Variants in OR2L3 observed in about 807,000 individuals in gnomAD.
OR2L3 encodes the protein olfactory receptor 2L3.
For synonymous variants in OR2L3, 131 were observed against 139.1 expected (o/e 0.94, Z 0.41); for missense variants, 369 against 376.6 (o/e 0.98, Z 0.17).
At chr1:248,050,931 T>C (rs1442459779) in intron 1 of OR2L3, among the ~76,000 whole-genome samples, 1 of 152,182 alleles carries the variant, frequency 6.6e-6, no homozygotes, top group Non-Finnish European at 1.5e-5. Context: ...CCTGCCAAGA[T>C]GTTTAAAAAA....
At chr1:248,046,966 AAATAG>A (rs2103105684) in intron 1 of OR2L3, 86 bp downstream of exon 1, 1 of 152,316 alleles carries the variant, frequency 6.6e-6, no homozygotes, top group South Asian at 2.1e-4. Context: ...CTTTTTTCAG[AAATAG>A]AATTGAGGTG....
At chr1:248,054,993 G>A (rs1379080325) in intron 1 of OR2L3, among the ~76,000 whole-genome samples, 1 of 152,156 alleles carries the variant, frequency 6.6e-6, no homozygotes, top group Non-Finnish European at 1.5e-5. Flanking sequence ...AGAGTCATGA[G>A]AGATTGCATC....
chr1:248,050,755 T>C (rs2103111083), intron 1 of OR2L3, among the ~76,000 whole-genome samples: 1 of 152,302 alleles, frequency 6.6e-6, no homozygotes, highest in Non-Finnish European at 1.5e-5. Context: ...TACTTACCAA[T>C]AATTATACTA....
intron 1 of OR2L3, among the ~76,000 whole-genome samples, chr1:248,048,919 CTCTCT>C (rs1663168588): frequency 7.2e-6 from 1 of 138,194 alleles, no homozygotes; most frequent in African/African-American, 3.2e-5. Flanking sequence ...CCTTTTCTCT[CTCTCT>C]TTTTTTTTTT....
rs1412524446 is a variant in OR2L3, at chr1:248,062,262, A to G, written c.*642A>G. ...AACATTAGGTATATTTTAGATCAAC[A>G]AAAGGACTGGAACATGCCAGCAGTA... On this transcript the variant is annotated 3_prime_UTR_variant, in exon 2 of 2. Transcript: ENST00000359959. The G allele has an allele frequency of 2.0e-5, 3 of 152,258 alleles. No individual in the cohort carries two copies. Among genetic ancestry groups the G allele is most frequent in the Non-Finnish European group, 4.4e-5 (3 of 68,076 alleles). 9.4% of individuals were successfully genotyped at this position (152,258 alleles called of 1,614,324 possible).
rs1319206708 is a variant in OR2L3, at chr1:248,061,382, A to G, written c.701A>G (p.Lys234Arg). 1.9e-6 allele frequency: 3 copies of G among 1,614,108 alleles called. No homozygotes were observed. Among genetic ancestry groups the G allele is most frequent in the South Asian group, 1.1e-5 (1 of 91,078 alleles). Reference sequence around the variant, plus strand: ...CACATGAAATCTGCAGAAGGGAGGAAGAAAGCCTACCTGACCTGCAGCACC... The same window carrying G: ...CACATGAAATCTGCAGAAGGGAGGAGGAAAGCCTACCTGACCTGCAGCACC... ...VYHMKSAEGR[K>R]KAYLTCSTHL... Residue 234 changes from lysine (K) to arginine (R), a missense_variant, in exon 2 of 2, where the codon AAG (lysine) becomes AGG (arginine). Coordinates refer to ENST00000359959, the MANE Select transcript of OR2L3 (RefSeq NM_001004687.2).
intron 1 of OR2L3, among the ~76,000 whole-genome samples, chr1:248,057,677 G>C (rs761318360): frequency 1.3e-5 from 2 of 151,940 alleles, no homozygotes; most frequent in African/African-American, 4.8e-5. Context: ...GCTCTAATCA[G>C]CATTTTCTCA....
chr1:248,057,459 A>G (rs575793637), intron 1 of OR2L3, among the ~76,000 whole-genome samples: 1 of 152,220 alleles, frequency 6.6e-6, no homozygotes, highest in Non-Finnish European at 1.5e-5. Context: ...GATTGCTACC[A>G]CTGCTTTTTC....
chr1:248,061,082 G>C lies in OR2L3; in HGVS notation c.401G>C (p.Arg134Pro). The change falls in exon 2 of 2, where the codon CGC becomes CCC. Residue 134 changes from arginine (R) to proline (P), a missense_variant. By Grantham distance (103) the Arg-to-Pro change is moderately radical (BLOSUM62 -2). Coordinates refer to ENST00000359959, the MANE Select transcript of OR2L3 (RefSeq NM_001004687.2). Reference sequence around the variant, plus strand: ...TGCTTTCCTCTTCACTATCCCATCCGCATGAGCAAAAGAATGTGTGTGCTG... The same window carrying C: ...TGCTTTCCTCTTCACTATCCCATCCCCATGAGCAAAAGAATGTGTGTGCTG... Reference protein sequence around the residue: ...AICFPLHYPIRMSKRMCVLMI... With the variant: ...AICFPLHYPIPMSKRMCVLMI... 3.7e-6 allele frequency: 6 copies of C among 1,613,956 alleles called. No individual in the cohort carries two copies. Among genetic ancestry groups the C allele is most frequent in the Non-Finnish European group, 5.1e-6 (6 of 1,179,996 alleles).
chr1:248,047,256 G>A (rs985198011), intron 1 of OR2L3, among the ~76,000 whole-genome samples: 8 of 152,038 alleles, frequency 5.3e-5, no homozygotes, highest in Admixed American at 5.2e-4. Context: ...TGCTATTTTG[G>A]TTTGATTTCT....
rs1184750261 is a variant in OR2L3, at chr1:248,062,552, T to A, written c.*932T>A. On this transcript the variant is annotated 3_prime_UTR_variant, in exon 2 of 2. Transcript: ENST00000359959. ...CTAGTGGAAATAGAGAAGAGACTGA[T>A]GGTCACCAGAGGGTGGGAAGGGTAC... is the stretch of plus-strand genomic sequence containing the variant. 1 of 152,090 alleles carries A rather than the reference T, an allele frequency of 6.6e-6. No individual in the cohort carries two copies. Among genetic ancestry groups the A allele is most frequent in the Non-Finnish European group, 1.5e-5 (1 of 68,012 alleles). 9.4% of individuals were successfully genotyped at this position (152,090 alleles called of 1,614,324 possible).
At chr1:248,052,137 C>T (rs1324119337) in intron 1 of OR2L3, among the ~76,000 whole-genome samples, 2 of 152,138 alleles carry the variant, frequency 1.3e-5, no homozygotes, top group Non-Finnish European at 2.9e-5. Flanking sequence ...ACATTTTCAC[C>T]AACAATTCTT....
intron 1 of OR2L3, among the ~76,000 whole-genome samples, chr1:248,050,151 C>G (rs1471146129): frequency 6.6e-6 from 1 of 151,984 alleles, no homozygotes; most frequent in African/African-American, 2.4e-5. Context: ...GTTCAGGTTT[C>G]AGGTTTGTGG....
chr1:248,056,302 A>G (rs180876734), intron 1 of OR2L3, among the ~76,000 whole-genome samples: 1 of 151,906 alleles, frequency 6.6e-6, no homozygotes, highest in African/African-American at 2.4e-5. Flanking sequence ...TTTTTCAAAA[A>G]CCAGCTCCTG....
rs766053031 is a variant in OR2L3, at chr1:248,061,528, A to G, written c.847A>G (p.Met283Val). Reference protein sequence around the residue: ...LAVFYTTLTPMLNPIIYSLRN... With the variant: ...LAVFYTTLTPVLNPIIYSLRN... ...TGTCTTCTACACCACCCTCACTCCA[A>G]TGCTCAACCCCATCATCTATAGCCT... Residue 283 changes from methionine (M) to valine (V), a missense_variant, in exon 2 of 2, where the codon ATG becomes GTG. Coordinates refer to ENST00000359959, the MANE Select transcript of OR2L3 (RefSeq NM_001004687.2). 1.2e-5 allele frequency: 19 copies of G among 1,613,672 alleles called. No individual in the cohort carries two copies. Among genetic ancestry groups the G allele is most frequent in the African/African-American group, 8.0e-5 (6 of 74,840 alleles).
At chr1:248,054,606 T>C (rs1262825620) in intron 1 of OR2L3, among the ~76,000 whole-genome samples, 1 of 152,176 alleles carries the variant, frequency 6.6e-6, no homozygotes, top group Non-Finnish European at 1.5e-5. Context: ...TTGTGTCCTT[T>C]GTGATTTCCT....
chr1:248,052,216 T>C (rs1663283425), intron 1 of OR2L3, among the ~76,000 whole-genome samples: 1 of 152,226 alleles, frequency 6.6e-6, no homozygotes, highest in African/African-American at 2.4e-5. Flanking sequence ...GGTATAAACA[T>C]CCAACTTCAA....
At chr1:248,046,947 T>G (rs903194525) in intron 1 of OR2L3, 67 bp downstream of exon 1, 3 of 152,328 alleles carry the variant, frequency 2.0e-5, no homozygotes, top group African/African-American at 7.2e-5. Flanking sequence ...TGGCAAGTGC[T>G]TAAGAGACCT....
At chr1:248,055,734 C>A (rs1406605297) in intron 1 of OR2L3, 1 of 152,208 alleles carries the variant, frequency 6.6e-6, no homozygotes, top group Non-Finnish European at 1.5e-5. Context: ...GTGACATCAT[C>A]ACCTGGGTGA....
Sources: gnomAD v4.1 joint callset for allele counts (sites outside exome capture counted in the v4.1 genomes callset) on GRCh38, gnomAD v4.1.1 for gene constraint, MANE v1.5 for transcripts, NCBI Gene and HGNC (gene_info 2026-07-23, HGNC 2026-07-21) for gene names.